TFAP2D: variants seen among roughly 807,000 people sequenced by gnomAD.
TFAP2D encodes the protein transcription factor AP-2 delta.
A neutral mutation model predicts 43.6 loss-of-function variants in TFAP2D; 9 were observed. That is an observed-to-expected ratio of 0.21 (90% CI 0.12 to 0.36). The LOEUF (loss-of-function observed/expected upper bound fraction) is 0.36, where lower values mean the gene tolerates loss of function less well. TFAP2D is among the 10% of genes least tolerant of loss of function. The probability of loss-of-function intolerance (pLI) is 1.00; values close to 1 mark genes in which losing one functional copy is unlikely to be tolerated. For missense variants in TFAP2D, 513 were observed against 561.4 expected, an observed-to-expected ratio of 0.91 and a Z score of 0.87; for synonymous variants, 256 against 224.9, an observed-to-expected ratio of 1.14 and a Z score of -1.24.
At chr6:50,738,527 T>C (rs1033522410) in intron 5 of TFAP2D, among the ~76,000 whole-genome samples, 3 of 152,186 alleles carry the variant, frequency 2.0e-5, no homozygotes, top group African/African-American at 7.2e-5. Context: ...TTTTCTATGT[T>C]TAAATCTATG....
intron 3 of TFAP2D, among the ~76,000 whole-genome samples, chr6:50,722,571 C>G (rs188530908): frequency 7.2e-5 from 11 of 152,110 alleles, no homozygotes; most frequent in African/African-American, 2.4e-4. Context: ...TTGCCAGACA[C>G]CGGTCCCTTT....
intron 6 of TFAP2D, among the ~76,000 whole-genome samples, chr6:50,748,147 G>A (rs1012688920): frequency 1.3e-5 from 2 of 151,812 alleles, no homozygotes; most frequent in South Asian, 2.1e-4. Flanking sequence ...GCAAACATAC[G>A]TAATATAACC....
intron 5 of TFAP2D, among the ~76,000 whole-genome samples, chr6:50,733,349 T>G (rs1460483481): frequency 6.6e-6 from 1 of 152,112 alleles, no homozygotes; most frequent in Non-Finnish European, 1.5e-5. Flanking sequence ...TTATTACAAG[T>G]CTCTTCTTTC....
chr6:50,723,414 A>T (rs1768760465), intron 3 of TFAP2D, among the ~76,000 whole-genome samples: 1 of 152,202 alleles, frequency 6.6e-6, no homozygotes, highest in African/African-American at 2.4e-5. Flanking sequence ...CTGAAGGAGT[A>T]CAATTGGAGG....
intron 5 of TFAP2D, among the ~76,000 whole-genome samples, chr6:50,742,910 T>A (rs565037171): frequency 4.7e-5 from 7 of 150,384 alleles, no homozygotes; most frequent in Admixed American, 2.7e-4. Context: ...CTATCATTTT[T>A]CAAGCAATAG....
At chr6:50,772,397 T>C (rs1769541655) in intron 7 of TFAP2D, among the ~76,000 whole-genome samples, 1 of 152,060 alleles carries the variant, frequency 6.6e-6, no homozygotes, top group Non-Finnish European at 1.5e-5. Flanking sequence ...TAATAAAATA[T>C]ATATATAAAT....
chr6:50,722,948 C>T (rs530281257), intron 3 of TFAP2D, among the ~76,000 whole-genome samples: 146 of 152,324 alleles, frequency 9.6e-4, no homozygotes, highest in Non-Finnish European at 1.9e-3. Flanking sequence ...AGCCTCTGGG[C>T]CACGCGAAGA....
At chr6:50,727,378 C>T (rs568500642) in intron 3 of TFAP2D, among the ~76,000 whole-genome samples, 2 of 152,210 alleles carry the variant, frequency 1.3e-5, no homozygotes, top group Admixed American at 6.5e-5. Context: ...AGGGAAAATA[C>T]CAGAATCTGA....
intron 5 of TFAP2D, among the ~76,000 whole-genome samples, chr6:50,743,143 T>A (rs1195668167): frequency 1.3e-5 from 2 of 152,052 alleles, no homozygotes; most frequent in African/African-American, 4.8e-5. Context: ...GAAAAAACAA[T>A]GATGTTTTCC....
intron 5 of TFAP2D, among the ~76,000 whole-genome samples, chr6:50,734,408 A>T (rs769557245): frequency 6.6e-6 from 1 of 152,112 alleles, no homozygotes; most frequent in Non-Finnish European, 1.5e-5. Context: ...CTGTTATAAC[A>T]GTTCCCAAAA....
chr6:50,755,379 C>T (rs898314715), intron 7 of TFAP2D, among the ~76,000 whole-genome samples: 1 of 147,110 alleles, frequency 6.8e-6, no homozygotes, highest in Non-Finnish European at 1.5e-5. Flanking sequence ...CTGCTCTTTA[C>T]AAGTATATTT....
intron 7 of TFAP2D, among the ~76,000 whole-genome samples, chr6:50,763,031 C>A (rs1341633421): frequency 6.8e-6 from 1 of 148,148 alleles, no homozygotes; most frequent in Non-Finnish European, 1.5e-5. Flanking sequence ...TCAGTCAGAT[C>A]TTCTTCTTAG....
At position 50,729,258 on chromosome 6, in the gene TFAP2D, C is replaced by A; in HGVS notation, c.829C>A (p.Pro277Thr). The change falls in exon 5 of 8, where the codon CCA becomes ACA. Residue 277 changes from proline to threonine, a missense_variant. Coordinates refer to ENST00000008391, the MANE Select transcript of TFAP2D (RefSeq NM_172238.4). ...ATTGGATAGGCTTGGCTTAAACTTA[C>A]CAGCAGGAAGACGGAAAGCAGCTAA... ...EKLDRLGLNL[P>T]AGRRKAANVT... The A allele has an allele frequency of 6.2e-7, 1 of 1,613,934 alleles. No homozygotes were observed. The highest frequency in any genetic ancestry group is 8.5e-7 in the Non-Finnish European group (1 of 1,179,836).
chr6:50,733,380 A>C (rs566686815), intron 5 of TFAP2D, among the ~76,000 whole-genome samples: 1 of 151,988 alleles, frequency 6.6e-6, no homozygotes, highest in Non-Finnish European at 1.5e-5. Context: ...TGCTAATTAC[A>C]TTGCTCTCAT....
intron 6 of TFAP2D, among the ~76,000 whole-genome samples, chr6:50,747,891 A>G (rs983117343): frequency 1.4e-4 from 22 of 152,074 alleles, no homozygotes; most frequent in Non-Finnish European, 2.9e-4. Flanking sequence ...CTTTGATTTC[A>G]TTAAACATTG....
intron 5 of TFAP2D, among the ~76,000 whole-genome samples, chr6:50,731,596 G>A (rs1768894889): frequency 6.6e-6 from 1 of 151,966 alleles, no homozygotes; most frequent in South Asian, 2.1e-4. Context: ...CGAGTCATGA[G>A]TCATGACCTA....
chr6:50,748,503 G>T (rs576957249), intron 6 of TFAP2D, among the ~76,000 whole-genome samples: 99 of 151,836 alleles, frequency 6.5e-4, no homozygotes, highest in African/African-American at 2.3e-3. Context: ...AGATTCAGTT[G>T]TCTTTAAGTA....
intron 7 of TFAP2D, among the ~76,000 whole-genome samples, chr6:50,759,169 T>C (rs1769329983): frequency 1.3e-5 from 2 of 152,034 alleles, no homozygotes; most frequent in African/African-American, 4.8e-5. Flanking sequence ...TGGAAGAGTT[T>C]GGTTAATTTT....
At chr6:50,771,505 C>T (rs540364848) in intron 7 of TFAP2D, among the ~76,000 whole-genome samples, 5 of 152,332 alleles carry the variant, frequency 3.3e-5, no homozygotes, top group Admixed American at 2.6e-4. Context: ...CCATGAGGCA[C>T]ACTCAGCCAA....
Sources: allele counts gnomAD v4.1 joint callset (sites outside exome capture counted in the v4.1 genomes callset), GRCh38; gene constraint gnomAD v4.1.1; transcripts MANE v1.5; gene names NCBI Gene and HGNC (gene_info 2026-07-23, HGNC 2026-07-21).